MGAT4C: variants seen among roughly 807,000 people sequenced by gnomAD.
MGAT4C encodes the protein alpha-1,3-mannosyl-glycoprotein 4-beta-N-acetylglucosaminyltransferase C.
A neutral mutation model predicts 40.1 loss-of-function variants in MGAT4C; 19 were observed. The observed-to-expected ratio is 0.47, with a 90% CI of 0.33 to 0.70. The LOEUF (loss-of-function observed/expected upper bound fraction) is 0.70. Ranked by LOEUF, MGAT4C falls within the 30% of genes least tolerant of loss-of-function variation. The probability of loss-of-function intolerance (pLI) is 0.02; values close to 1 mark genes in which losing one functional copy is unlikely to be tolerated. For missense variants in MGAT4C, 491 were observed against 563.2 expected (o/e 0.87, Z 1.30); for synonymous variants, 181 against 187.1 (o/e 0.97, Z 0.27).
intron 2 of MGAT4C, among the ~76,000 whole-genome samples, chr12:86,047,239 GT>G (rs1241971963): frequency 1.3e-5 from 2 of 152,062 alleles, no homozygotes; most frequent in African/African-American, 4.8e-5. Context: ...CTTCGTGACT[GT>G]CCGCAAAATG....
intron 3 of MGAT4C, among the ~76,000 whole-genome samples, chr12:86,366,318 T>C (rs1305052756): frequency 6.6e-6 from 1 of 152,210 alleles, no homozygotes; most frequent in East Asian, 1.9e-4. Flanking sequence ...TAGAATCATA[T>C]CATCATTAAA....
chr12:85,983,972 C>T (rs957703358), intron 3 of MGAT4C, among the ~76,000 whole-genome samples: 6 of 152,074 alleles, frequency 3.9e-5, no homozygotes, highest in African/African-American at 1.4e-4. Flanking sequence ...ATGAAAACTC[C>T]CACTGCCTTT....
chr12:85,982,035 A>G (rs1884654845), intron 4 of MGAT4C, among the ~76,000 whole-genome samples: 1 of 152,240 alleles, frequency 6.6e-6, no homozygotes, highest in Non-Finnish European at 1.5e-5. Flanking sequence ...AATCTAAATT[A>G]ATTTAATAAT....
chr12:86,369,554 T>C, intron 3 of MGAT4C, among the ~76,000 whole-genome samples: 1 of 152,014 alleles, frequency 6.6e-6, no homozygotes, highest in East Asian at 1.9e-4. Flanking sequence ...CTTATAGTTA[T>C]AACAGTCTTC....
At chr12:86,161,376 T>C (rs1097997) in intron 1 of MGAT4C, among the ~76,000 whole-genome samples, 134,946 of 152,128 alleles carry the variant, frequency 0.89, 60,099 homozygotes, top group East Asian at 1. Flanking sequence ...AACCATTCTT[T>C]GACAAGGCTG....
Position 86,631,100 on chromosome 12 carries a change from T to C in MGAT4C, c.-229+96109A>G, listed in dbSNP as rs974556922. On this transcript the variant is annotated intron_variant, in intron 2 of 7. Transcript: ENST00000548651. ...TGTGCAAAAATCACAAGCATTCTTA[T>C]ACACCAACAACAGACAAACAGAGAG... Among the ~76,000 whole-genome samples, 7 of 152,146 alleles carry C rather than the reference T, an allele frequency of 4.6e-5. No individual in the cohort carries two copies. In the South Asian group the frequency reaches 6.2e-4, roughly 13 times the overall value.
chr12:86,519,490 C>A (rs756612926), intron 2 of MGAT4C, among the ~76,000 whole-genome samples: 6 of 152,094 alleles, frequency 3.9e-5, no homozygotes, highest in Non-Finnish European at 7.4e-5. Flanking sequence ...CTGTTCTCCA[C>A]AGTGGTTGTA....
chr12:86,666,419 T>TA (rs958517106), intron 2 of MGAT4C, among the ~76,000 whole-genome samples: 4 of 151,048 alleles, frequency 2.6e-5, no homozygotes, highest in Non-Finnish European at 3.0e-5. Flanking sequence ...CATACTGCAT[T>TA]AAAAAAAAAT....
chr12:86,375,325 C>A (rs1007565676), intron 3 of MGAT4C, among the ~76,000 whole-genome samples: 2 of 152,066 alleles, frequency 1.3e-5, no homozygotes, highest in African/African-American at 2.4e-5. Context: ...GCAAAAAATT[C>A]TCTGTTGTGT....
chr12:86,351,584 T>C (rs1388069365), intron 3 of MGAT4C, among the ~76,000 whole-genome samples: 1 of 152,032 alleles, frequency 6.6e-6, no homozygotes, highest in Non-Finnish European at 1.5e-5. Flanking sequence ...TCAGAAACTA[T>C]AAATATTTTT....
At chr12:86,789,488 C>A (rs1951987320) in intron 1 of MGAT4C, among the ~76,000 whole-genome samples, 1 of 152,014 alleles carries the variant, frequency 6.6e-6, no homozygotes, top group African/African-American at 2.4e-5. Flanking sequence ...ACCTTGAATC[C>A]CCTTTCTTTC....
chr12:86,099,452 G>A (rs1484932729), intron 1 of MGAT4C, among the ~76,000 whole-genome samples: 3 of 150,460 alleles, frequency 2.0e-5, no homozygotes, highest in Admixed American at 1.3e-4. Context: ...TATAAGTTCC[G>A]GGATACATGT....
chr12:85,987,634 C>T (rs919892760), intron 3 of MGAT4C, among the ~76,000 whole-genome samples: 1 of 152,110 alleles, frequency 6.6e-6, no homozygotes, highest in Non-Finnish European at 1.5e-5. Flanking sequence ...TAAACATTTG[C>T]AAAACAGGAA....
rs533327134 is a variant in MGAT4C at position 86,663,318 on chromosome 12, C to T, written c.-229+63891G>A. On this transcript the variant is annotated intron_variant, in intron 2 of 7. Transcript: ENST00000548651. ...CAGGCTGCAGTGAGCCGTGAGCACACTAGCCTGAGTGAAAAAGTGATACCT... is the reference window on the plus strand; with the variant it reads ...CAGGCTGCAGTGAGCCGTGAGCACATTAGCCTGAGTGAAAAAGTGATACCT... Among the ~76,000 whole-genome samples the T allele has an allele frequency of 4.0e-5, 5 of 123,740 alleles. No individual in the cohort carries two copies. The East Asian group carries it at 1.3e-3, about 31-fold the overall frequency. 81.2% of individuals were successfully genotyped at this position (123,740 alleles called of 152,430 possible). A position where few individuals can be genotyped will look rare whatever the true frequency, so the allele number is the denominator to read the frequency against.
At chr12:86,092,010 A>G (rs1370707641) in intron 1 of MGAT4C, among the ~76,000 whole-genome samples, 1 of 152,156 alleles carries the variant, frequency 6.6e-6, no homozygotes, top group Admixed American at 6.6e-5. Context: ...CTCTGCAACA[A>G]TAACTAAGTA....
Position 86,212,730 on chromosome 12 carries a change from A to AG in MGAT4C, c.-57+43508_-57+43509insC, listed in dbSNP as rs1487476028. 3.2e-3 allele frequency among the ~76,000 whole-genome samples: 459 copies of AG among 144,870 alleles called. 2 individuals carry two copies. Among genetic ancestry groups the AG allele is most frequent in the African/African-American group, 0.011 (424 of 39,656 alleles). On this transcript the variant is annotated intron_variant, in intron 1 of 4. Coordinates refer to ENST00000611864, the MANE Select transcript of MGAT4C (RefSeq NM_001351288.2). ...GGTGAAACCCCGTCTCTACTAAAAA[A>AG]AAAAAAAAAAAATTAGCCGGGCGTA...
intron 1 of MGAT4C, among the ~76,000 whole-genome samples, chr12:86,746,529 C>T (rs373440591): frequency 6.6e-5 from 10 of 151,582 alleles, no homozygotes; most frequent in Admixed American, 2.0e-4. Flanking sequence ...TCTCCAGAGA[C>T]CCCCAAATGT....
chr12:86,121,285 G>A (rs971727535), intron 1 of MGAT4C, among the ~76,000 whole-genome samples: 4 of 152,200 alleles, frequency 2.6e-5, no homozygotes, highest in African/African-American at 4.8e-5. Context: ...GTACCTGAAA[G>A]TGATGGGGAG....
intron 2 of MGAT4C, among the ~76,000 whole-genome samples, chr12:86,607,857 G>A (rs1468446059): frequency 1.3e-5 from 2 of 151,944 alleles, no homozygotes; most frequent in Non-Finnish European, 2.9e-5. Flanking sequence ...GCAGGGTTGG[G>A]GGAGAAACAC....
Sources: gnomAD v4.1 joint callset for allele counts (sites outside exome capture counted in the v4.1 genomes callset) on GRCh38, gnomAD v4.1.1 for gene constraint, MANE v1.5 for transcripts, NCBI Gene and HGNC (gene_info 2026-07-23, HGNC 2026-07-21) for gene names.